VTI1A: variants seen among roughly 807,000 people sequenced by gnomAD.
VTI1A encodes the protein vesicle transport through interaction with t-SNAREs 1A, also known as vesicle transport through interaction with t-SNAREs homolog 1A.
A neutral mutation model predicts 34.9 loss-of-function variants in VTI1A; 22 were observed. The observed-to-expected ratio is 0.63, with a 90% CI of 0.45 to 0.90. The LOEUF (loss-of-function observed/expected upper bound fraction) is 0.90, where lower values mean the gene tolerates loss of function less well. Ranked by LOEUF, VTI1A falls within the 40% of genes least tolerant of loss-of-function variation. The pLI, the probability that VTI1A is intolerant of heterozygous loss-of-function variation, is 0.00. For missense variants in VTI1A, 268 were observed against 275.6 expected (o/e 0.97, Z 0.20); for synonymous variants, 87 against 97.3 (o/e 0.89, Z 0.62).
intron 7 of VTI1A, among the ~76,000 whole-genome samples, chr10:112,763,062 C>G (rs1851524982): frequency 6.6e-6 from 1 of 152,084 alleles, no homozygotes; most frequent in South Asian, 2.1e-4. Flanking sequence ...GACTCAGAAA[C>G]CTATTAGTGG....
At chr10:112,808,624 CAAAAAAAAAAAA>C (rs760656671) in intron 7 of VTI1A, among the ~76,000 whole-genome samples, 3 of 59,592 alleles carry the variant, frequency 5.0e-5, no homozygotes, top group Admixed American at 2.0e-4. Flanking sequence ...GACTCCATCT[CAAAAAAAAAAAA>C]AAAAAAAAGA....
chr10:112,846,409 C>T, the VTI1A span, among the ~76,000 whole-genome samples: 5,487 of 152,244 alleles, frequency 0.036, 187 homozygotes, highest in African/African-American at 0.091. Context: ...TAAAACTTTC[C>T]GTGATGATGT....
At chr10:112,821,266 C>T (rs1457653629), downstream of VTI1A, among the ~76,000 whole-genome samples, 2 of 152,154 alleles carry the variant, frequency 1.3e-5, no homozygotes, top group Non-Finnish European at 1.5e-5. Flanking sequence ...CCGGCTCCGC[C>T]GAGAGCTGCC....
rs572340794 is a variant in VTI1A, at chr10:112,503,677, T to G, written c.265-23410T>G. On this transcript the variant is annotated intron_variant, in intron 3 of 7. Transcript: ENST00000393077. The stretch of plus-strand genomic sequence containing the variant: ...CCATTATATTAATGTTTAATTCTTG[T>G]GGAGTATATGATAGAAATCATCTGG... Among the ~76,000 whole-genome samples the G allele has an allele frequency of 3.3e-5, 5 of 152,334 alleles. No individual in the cohort carries two copies. In the East Asian group the frequency reaches 9.6e-4, roughly 29 times the overall value.
Position 112,464,543 on chromosome 10 carries a change from C to A in VTI1A, c.154-4C>A. ...TAAATCACATTTTTCTTTCCCTCTT[C>A]TAGCTTGAACAGATGGATTTGGAAG... is the stretch of plus-strand genomic sequence containing the variant. On this transcript the variant is annotated splice_region_variant and splice_polypyrimidine_tract_variant and intron_variant, in intron 2 of 7. Coordinates refer to ENST00000393077, the MANE Select transcript of VTI1A (RefSeq NM_145206.4). 6.2e-7 allele frequency: 1 copy of A among 1,609,800 alleles called. No individual in the cohort carries two copies. The highest frequency in any genetic ancestry group is 8.5e-7 in the Non-Finnish European group (1 of 1,177,396).
chr10:112,569,153 CAAAA>C (rs112290050), intron 5 of VTI1A, among the ~76,000 whole-genome samples: 2 of 133,938 alleles, frequency 1.5e-5, no homozygotes, highest in African/African-American at 5.5e-5. Context: ...GATTCCATCT[CAAAA>C]AAAAAAAAGC....
intron 3 of VTI1A, among the ~76,000 whole-genome samples, chr10:112,470,651 C>A (rs933257489): frequency 1.3e-5 from 2 of 152,052 alleles, no homozygotes; most frequent in African/African-American, 4.8e-5. Context: ...CCGAGGCAGG[C>A]GGATCACTTG....
At chr10:112,822,296 G>A (rs914288652), downstream of VTI1A, among the ~76,000 whole-genome samples, 11 of 152,322 alleles carry the variant, frequency 7.2e-5, no homozygotes, top group African/African-American at 2.2e-4. Flanking sequence ...GCTTAGGGCT[G>A]CATGCAGGCA....
intron 3 of VTI1A, among the ~76,000 whole-genome samples, chr10:112,503,519 A>G (rs1849315840): frequency 6.6e-6 from 1 of 152,198 alleles, no homozygotes; most frequent in Non-Finnish European, 1.5e-5. Flanking sequence ...CTCCTTTGGT[A>G]AGTTACTAAT....
chr10:112,617,861 G>T (rs1845564152), intron 5 of VTI1A, among the ~76,000 whole-genome samples: 1 of 152,118 alleles, frequency 6.6e-6, no homozygotes, highest in Non-Finnish European at 1.5e-5. Context: ...TATAATAAAA[G>T]ATATACAAAG....
At chr10:112,834,118 G>T in the VTI1A span, among the ~76,000 whole-genome samples, 1 of 152,300 alleles carries the variant, frequency 6.6e-6, no homozygotes, top group African/African-American at 2.4e-5. Flanking sequence ...AGGATCAGAT[G>T]AGGGAATCCA....
the VTI1A span, chr10:112,832,035 AAGG>A: frequency 5.9e-5 from 9 of 152,144 alleles, no homozygotes; most frequent in Admixed American, 5.2e-4. Flanking sequence ...CTTGGAATTT[AAGG>A]AGGAGGAGAG....
intron 5 of VTI1A, among the ~76,000 whole-genome samples, chr10:112,608,030 A>T (rs1845153916): frequency 1.3e-5 from 2 of 152,072 alleles, no homozygotes; most frequent in African/African-American, 4.8e-5. Context: ...ACATAGACCA[A>T]CCCTGATACA....
chr10:112,594,467 C>T (rs1844539075), intron 5 of VTI1A, among the ~76,000 whole-genome samples: 1 of 152,046 alleles, frequency 6.6e-6, no homozygotes, highest in Admixed American at 6.6e-5. Context: ...AGCAAAGTCT[C>T]AGGATACAAA....
chr10:112,802,004 T>G (rs190153405), intron 7 of VTI1A, among the ~76,000 whole-genome samples: 4 of 152,292 alleles, frequency 2.6e-5, no homozygotes, highest in African/African-American at 9.6e-5. Flanking sequence ...TCCCAACACT[T>G]TGGGAGCCCA....
intron 3 of VTI1A, among the ~76,000 whole-genome samples, chr10:112,526,481 C>G (rs766229165): frequency 2.0e-5 from 3 of 151,962 alleles, no homozygotes; most frequent in Non-Finnish European, 4.4e-5. Context: ...TTCCTTAGGC[C>G]ATTATTTATA....
At chr10:112,829,359 G>A in the VTI1A span, among the ~76,000 whole-genome samples, 5 of 151,458 alleles carry the variant, frequency 3.3e-5, no homozygotes, top group Non-Finnish European at 5.9e-5. Flanking sequence ...CAGGAGAATG[G>A]CATGAACCCG....
At chr10:112,742,156 C>G (rs1188816305) in intron 7 of VTI1A, among the ~76,000 whole-genome samples, 3 of 152,302 alleles carry the variant, frequency 2.0e-5, no homozygotes, top group African/African-American at 2.4e-5. Flanking sequence ...AATGTGGTGA[C>G]TGACAGGCAC....
downstream of VTI1A, among the ~76,000 whole-genome samples, chr10:112,819,944 A>G (rs552197539): frequency 2.0e-4 from 30 of 152,282 alleles, no homozygotes; most frequent in African/African-American, 7.2e-4. Flanking sequence ...CAGGCCCCTT[A>G]TGTAGCTCCA....
Sources: allele counts gnomAD v4.1 joint callset (sites outside exome capture counted in the v4.1 genomes callset), GRCh38; gene constraint gnomAD v4.1.1; transcripts MANE v1.5; gene names NCBI Gene and HGNC (gene_info 2026-07-23, HGNC 2026-07-21).